DZIP3: variants seen among roughly 807,000 people sequenced by gnomAD.
DZIP3 encodes the protein E3 ubiquitin-protein ligase DZIP3.
DZIP3 carries 118 observed loss-of-function variants against 162.0 expected under a neutral mutation model. The observed-to-expected ratio is 0.73, with a 90% CI of 0.63 to 0.85. DZIP3 has a LOEUF of 0.85. Among genes scored for constraint, DZIP3 ranks in the 40% least tolerant of loss-of-function variants. The pLI is 0.00. For synonymous variants in DZIP3, 438 were observed against 458.6 expected (o/e 0.96, Z 0.57); for missense variants, 1,331 against 1,407.0 (o/e 0.95, Z 0.86).
chr3:108,647,257 A>G (rs978721840), intron 15 of DZIP3, among the ~76,000 whole-genome samples: 14 of 152,128 alleles, frequency 9.2e-5, no homozygotes, highest in Admixed American at 2.6e-4. Context: ...TAGTCTGTCT[A>G]TTGTTTATAG....
At chr3:108,624,559 T>C in intron 6 of DZIP3, 35 bp downstream of exon 6, 1 of 1,236,280 alleles carries the variant, frequency 8.1e-7, no homozygotes, top group Non-Finnish European at 1.1e-6. Context: ...TATAAATCTT[T>C]TTACATCTTG....
intron 3 of DZIP3, 134 bp from the exon 4 acceptor site, chr3:108,611,037 TATA>T (rs745660368): frequency 9.4e-6 from 7 of 741,096 alleles, no homozygotes; most frequent in Non-Finnish European, 1.5e-5. Context: ...TTAGATTTTT[TATA>T]ATTCTGTCAT....
chr3:108,677,598 G>A lies in DZIP3; in HGVS notation c.2883G>A (p.Leu961=), dbSNP rs1293042558. The change falls in exon 26 of 33, where the codon CTG becomes CTA. Residue 961 remains leucine (L), a splice_region_variant and synonymous_variant. Coordinates refer to ENST00000361582, the MANE Select transcript of DZIP3 (RefSeq NM_014648.4). ...LPPPPPSPEI[L]MQQFLGRPLV... is the part of the protein sequence containing the mutation. ...CTCCACCACCCAGTCCTGAGATACT[G>A]GTAAGAAATACAACATTTTGAATAA... 1 of 1,610,454 alleles carries A rather than the reference G, an allele frequency of 6.2e-7. No individual in the cohort carries two copies. Among genetic ancestry groups the A allele is most frequent in the Non-Finnish European group, 8.5e-7 (1 of 1,177,262 alleles).
chr3:108,679,412 C>T (rs972621095), intron 26 of DZIP3, among the ~76,000 whole-genome samples: 9 of 152,050 alleles, frequency 5.9e-5, no homozygotes, highest in Non-Finnish European at 7.4e-5. Context: ...AGTACAAAAA[C>T]CTACTGGCAG....
chr3:108,602,533 G>T (rs1323668281), intron 1 of DZIP3, among the ~76,000 whole-genome samples: 1 of 152,192 alleles, frequency 6.6e-6, no homozygotes, highest in Non-Finnish European at 1.5e-5. Context: ...GAGAAGAGCA[G>T]TCTCTTAATC....
intron 4 of DZIP3, among the ~76,000 whole-genome samples, 154 bp downstream of exon 4, chr3:108,611,483 G>A (rs1348990742): frequency 6.6e-6 from 1 of 152,178 alleles, no homozygotes; most frequent in Admixed American, 6.5e-5. Context: ...AACCTTGACT[G>A]TAGACTTCTA....
chr3:108,684,653 C>T (rs561657109), intron 27 of DZIP3, among the ~76,000 whole-genome samples: 4 of 152,116 alleles, frequency 2.6e-5, no homozygotes, highest in African/African-American at 9.6e-5. Flanking sequence ...ATTTTTTTGG[C>T]ATGGTTGTTG....
chr3:108,658,747 G>A (rs1484134648), intron 19 of DZIP3, among the ~76,000 whole-genome samples: 1 of 151,976 alleles, frequency 6.6e-6, no homozygotes, highest in Non-Finnish European at 1.5e-5. Flanking sequence ...CCGCTAGCAA[G>A]ACTAATAAAG....
At chr3:108,669,204 A>G (rs996212896) in intron 21 of DZIP3, among the ~76,000 whole-genome samples, 2 of 151,952 alleles carry the variant, frequency 1.3e-5, no homozygotes, top group African/African-American at 4.8e-5. Context: ...GCATTTGTAC[A>G]CAGCCTCATC....
chr3:108,671,490 T>C (rs932940915), intron 22 of DZIP3, among the ~76,000 whole-genome samples: 1 of 151,916 alleles, frequency 6.6e-6, no homozygotes, highest in Middle Eastern at 3.2e-3. Flanking sequence ...AGGAACCTCA[T>C]AGGTAACCAT....
At chr3:108,599,150 T>C (rs948539035) in intron 1 of DZIP3, among the ~76,000 whole-genome samples, 10 of 152,196 alleles carry the variant, frequency 6.6e-5, no homozygotes, top group Non-Finnish European at 1.5e-4. Flanking sequence ...AAGGCACTTA[T>C]TTCCTGGTTT....
Position 108,687,990 on chromosome 3 carries a change from A to G in DZIP3, c.3164A>G (p.Asp1055Gly). The G allele has an allele frequency of 6.2e-7, 1 of 1,613,582 alleles. No individual in the cohort carries two copies. Among genetic ancestry groups the G allele is most frequent in the Non-Finnish European group, 8.5e-7 (1 of 1,179,786 alleles). The change falls in exon 29 of 33, where the codon GAT becomes GGT. Residue 1055 changes from aspartate to glycine, a missense_variant. By Grantham distance (94) the Asp-to-Gly change is moderately conservative (BLOSUM62 -1). This residue lies in a region of DZIP3 where 1,278 missense variants were observed against 1,317.1 expected (regional missense o/e 0.97). Transcript: ENST00000361582. ...FPQQTRKELT[D>G]FLRKLKDAYG... ...ATCTCTTGCAGAAAGGAACTTACAG[A>G]TTTCTTACGGAAATTGAAGGATGCT...
intron 23 of DZIP3, 85 bp from the exon 24 acceptor site, chr3:108,673,993 T>C: frequency 9.4e-7 from 1 of 1,068,144 alleles, no homozygotes; most frequent in Non-Finnish European, 1.4e-6. Context: ...GAAATAGCTT[T>C]AAATTTACTT....
rs763483199 is a variant in DZIP3, at chr3:108,629,166, C to G, written c.686C>G (p.Thr229Arg). The G allele has an allele frequency of 6.4e-7, 1 of 1,567,840 alleles. No individual in the cohort carries two copies. The highest frequency in any genetic ancestry group is 8.6e-7 in the Non-Finnish European group (1 of 1,159,198). The stretch of plus-strand genomic sequence containing the variant: ...CCTACAGAAGATGAAGATTTACCTA[C>G]AACTTTTAAAGTAAGAAATTATTTA... ...IDPTEDEDLPTTFKDLLNNFI... is the reference protein window; with the variant it reads ...IDPTEDEDLPRTFKDLLNNFI... Residue 229 changes from threonine to arginine, a missense_variant, in exon 8 of 33, where the codon ACA becomes AGA. This residue lies in a region of DZIP3 where 1,278 missense variants were observed against 1,317.1 expected (regional missense o/e 0.97). Transcript: ENST00000361582.
chr3:108,628,437 G>A (rs1941684060), intron 7 of DZIP3, among the ~76,000 whole-genome samples: 1 of 152,140 alleles, frequency 6.6e-6, no homozygotes, highest in Non-Finnish European at 1.5e-5. Flanking sequence ...TTGAGGCTGT[G>A]TTTTGGGTCT....
intron 12 of DZIP3, among the ~76,000 whole-genome samples, chr3:108,638,114 A>G (rs1434517974): frequency 2.6e-5 from 4 of 152,186 alleles, no homozygotes; most frequent in Non-Finnish European, 5.9e-5. Flanking sequence ...GTTTTCCCTT[A>G]TTAGTTAATG....
rs78219963 is a variant in DZIP3 at position 108,670,700 on chromosome 3, A to G, written c.2492+951A>G. 1.7e-3 allele frequency among the ~76,000 whole-genome samples: 254 copies of G among 152,038 alleles called. 8 individuals carry two copies. The East Asian group carries it at 0.044, about 26-fold the overall frequency. ...TGTTTAACTTTTTGAGGAATTGCCA[A>G]ACTGTTTTCCAAGTAGCTGCACCAT... On this transcript the variant is annotated intron_variant, in intron 22 of 32. Coordinates refer to ENST00000361582, the MANE Select transcript of DZIP3 (RefSeq NM_014648.4).
chr3:108,637,697 CCT>C, intron 12 of DZIP3, 149 bp downstream of exon 12: 2 of 553,422 alleles, frequency 3.6e-6, no homozygotes, highest in Non-Finnish European at 6.2e-6. Flanking sequence ...CATTTCTTTC[CCT>C]CTCTATCACC....
chr3:108,631,013 A>ACC, intron 8 of DZIP3, among the ~76,000 whole-genome samples: 1 of 26,874 alleles, frequency 3.7e-5, no homozygotes, highest in African/African-American at 1.7e-4. Context: ...TCCCCTACAC[A>ACC]CACACACACA....
Sources: allele counts gnomAD v4.1 joint callset (sites outside exome capture counted in the v4.1 genomes callset), GRCh38; gene constraint gnomAD v4.1.1; regional missense constraint gnomAD v4.1.1; transcripts MANE v1.5; gene names NCBI Gene and HGNC (gene_info 2026-07-23, HGNC 2026-07-21).